RBFOX1: variants seen among roughly 807,000 people sequenced by gnomAD.
The protein encoded by RBFOX1 is RNA binding fox-1 homolog 1.
Under a neutral mutation model 57.7 loss-of-function variants are expected in RBFOX1, and 8 were observed. The observed-to-expected ratio is 0.14, with a 90% CI of 0.08 to 0.25. The LOEUF is 0.25. RBFOX1 is among the 10% of genes least tolerant of loss of function. The pLI, the probability that RBFOX1 is intolerant of heterozygous loss-of-function variation, is 1.00. For missense variants in RBFOX1, 611 were observed against 548.5 expected, an observed-to-expected ratio of 1.11 and a Z score of -1.14; for synonymous variants, 326 against 222.4, an observed-to-expected ratio of 1.47 and a Z score of -4.15.
intron 3 of RBFOX1, among the ~76,000 whole-genome samples, chr16:6,891,784 C>T (rs552171753): frequency 6.6e-6 from 1 of 152,278 alleles, no homozygotes; most frequent in South Asian, 2.1e-4. Flanking sequence ...CAAATTCCTG[C>T]TGCCCAAAAT....
chr16:5,505,584 A>G (rs2043351537), intron 2 of RBFOX1, among the ~76,000 whole-genome samples: 1 of 152,156 alleles, frequency 6.6e-6, no homozygotes, highest in South Asian at 2.1e-4. Context: ...GGAGGAGCTT[A>G]CATGCAACTA....
chr16:7,312,160 A>G (rs1298729736), intron 4 of RBFOX1, among the ~76,000 whole-genome samples: 1 of 152,204 alleles, frequency 6.6e-6, no homozygotes, highest in Non-Finnish European at 1.5e-5. Flanking sequence ...CAGGTGGATC[A>G]CTTGAGGTCA....
At chr16:5,540,535 A>G (rs1162107880) in intron 2 of RBFOX1, among the ~76,000 whole-genome samples, 2 of 152,222 alleles carry the variant, frequency 1.3e-5, no homozygotes, top group Admixed American at 1.3e-4. Flanking sequence ...GAGTTGGTTT[A>G]GTATAACCCC....
At chr16:5,794,287 T>G (rs1230911566) in intron 3 of RBFOX1, among the ~76,000 whole-genome samples, 1 of 151,340 alleles carries the variant, frequency 6.6e-6, no homozygotes, top group Admixed American at 6.6e-5. Flanking sequence ...GTTTCCCTCC[T>G]TCACCTTCCC....
At chr16:5,399,175 C>T (rs550579778) in intron 1 of RBFOX1, among the ~76,000 whole-genome samples, 8 of 152,230 alleles carry the variant, frequency 5.3e-5, no homozygotes, top group East Asian at 3.9e-4. Context: ...CTGTAAAATG[C>T]GGAAAATTAG....
chr16:6,676,406 C>G (rs2057697843), intron 3 of RBFOX1, among the ~76,000 whole-genome samples: 1 of 151,986 alleles, frequency 6.6e-6, no homozygotes, highest in African/African-American at 2.4e-5. Context: ...AGCCCAAGGT[C>G]AACTCTCAAT....
chr16:6,335,562 G>A (rs929342087), intron 2 of RBFOX1, among the ~76,000 whole-genome samples: 2 of 151,812 alleles, frequency 1.3e-5, no homozygotes, highest in Non-Finnish European at 1.5e-5. Context: ...GGTGGATCAC[G>A]AGGTCAAGAG....
intron 4 of RBFOX1, among the ~76,000 whole-genome samples, chr16:7,450,777 C>A (rs1158749687): frequency 6.6e-6 from 1 of 152,076 alleles, no homozygotes; most frequent in Non-Finnish European, 1.5e-5. Flanking sequence ...GAACCAGTGA[C>A]CCCAGTAGAC....
At chr16:7,388,113 A>T (rs957966280) in intron 4 of RBFOX1, among the ~76,000 whole-genome samples, 1 of 152,156 alleles carries the variant, frequency 6.6e-6, no homozygotes, top group African/African-American at 2.4e-5. Context: ...TATAAACATA[A>T]TCAGTGTTTA....
intron 1 of RBFOX1, 43 bp downstream of exon 1, chr16:6,020,035 T>C: frequency 4.2e-6 from 6 of 1,441,362 alleles, no homozygotes; most frequent in Non-Finnish European, 5.5e-6. Context: ...CACCCTGACC[T>C]GGTGGGTCAG....
At chr16:6,723,955 C>A (rs186962105) in intron 3 of RBFOX1, 4 of 152,256 alleles carry the variant, frequency 2.6e-5, no homozygotes, top group Admixed American at 2.6e-4. Context: ...TCCACCTTGG[C>A]CCATTGCTGA....
At chr16:5,809,238 A>G (rs1191809818) in intron 3 of RBFOX1, among the ~76,000 whole-genome samples, 1 of 152,204 alleles carries the variant, frequency 6.6e-6, no homozygotes, top group African/African-American at 2.4e-5. Flanking sequence ...AAACCTAGGC[A>G]TTACCATTCA....
chr16:7,504,765 ATATATT>A lies in RBFOX1; in HGVS notation c.28-13376_28-13371del, dbSNP rs1403338488. On this transcript the variant is annotated intron_variant, in intron 4 of 15. Coordinates refer to ENST00000550418, the MANE Select transcript of RBFOX1 (RefSeq NM_018723.4). ...TATATATATATATATTTATATATATATATATTTATATATATATATATTTATATATAT... is the reference window on the plus strand; with the variant it reads ...TATATATATATATATTTATATATATATATATATATATATATTTATATATAT... Among the ~76,000 whole-genome samples, 2 of 11,482 alleles carry A rather than the reference ATATATT, an allele frequency of 1.7e-4. 1 individual carries two copies. Among genetic ancestry groups the A allele is most frequent in the Non-Finnish European group, 5.7e-4 (2 of 3,492 alleles). The allele number at this position is 11,482 out of a possible 152,430, so 7.5% of individuals were successfully genotyped here. A position where few individuals can be genotyped will look rare whatever the true frequency, so the allele number is the denominator to read the frequency against.
At chr16:6,769,380 T>C (rs574824465) in intron 3 of RBFOX1, among the ~76,000 whole-genome samples, 91 of 152,334 alleles carry the variant, frequency 6.0e-4, no homozygotes, top group African/African-American at 1.9e-3. Flanking sequence ...AGTATGTCTT[T>C]ATCAGCAGCA....
intron 4 of RBFOX1, among the ~76,000 whole-genome samples, chr16:7,282,080 G>A (rs558132879): frequency 3.7e-4 from 56 of 151,934 alleles, no homozygotes; most frequent in Non-Finnish European, 7.1e-4. Flanking sequence ...TGTTGCCCAA[G>A]CTCAACTCCT....
intron 1 of RBFOX1, among the ~76,000 whole-genome samples, chr16:6,105,363 G>A (rs530511695): frequency 3.9e-5 from 6 of 152,106 alleles, no homozygotes; most frequent in African/African-American, 1.4e-4. Flanking sequence ...GACTCAAACT[G>A]TGACAATGTT....
chr16:7,382,542 T>G (rs1338150283), intron 4 of RBFOX1, among the ~76,000 whole-genome samples: 2 of 152,218 alleles, frequency 1.3e-5, no homozygotes, highest in African/African-American at 4.8e-5. Context: ...ATGGCATAAC[T>G]CACCGAATTG....
chr16:6,030,921 G>C (rs2095279016), intron 1 of RBFOX1, among the ~76,000 whole-genome samples: 1 of 152,212 alleles, frequency 6.6e-6, no homozygotes, highest in African/African-American at 2.4e-5. Flanking sequence ...TGGGGATACT[G>C]TATGGGGTGG....
At chr16:6,154,208 T>C (rs1220474686) in intron 1 of RBFOX1, among the ~76,000 whole-genome samples, 1 of 152,206 alleles carries the variant, frequency 6.6e-6, no homozygotes, top group Non-Finnish European at 1.5e-5. Flanking sequence ...GCAAAATGGG[T>C]AACTGTCACA....
Sources: gnomAD v4.1 joint callset for allele counts (sites outside exome capture counted in the v4.1 genomes callset) on GRCh38, gnomAD v4.1.1 for gene constraint, MANE v1.5 for transcripts, NCBI Gene and HGNC (gene_info 2026-07-23, HGNC 2026-07-21) for gene names.